Variants in DCLK1 observed in about 807,000 individuals in gnomAD.
DCLK1 encodes the protein doublecortin like kinase 1, also known as serine/threonine-protein kinase DCLK1.
DCLK1 carries 16 observed loss-of-function variants against 86.2 expected under a neutral mutation model. The ratio of observed to expected loss-of-function variants is 0.19; its 90% CI spans 0.13 to 0.28. DCLK1 has a LOEUF of 0.28. Ranked by LOEUF, DCLK1 falls within the 10% of genes least tolerant of loss-of-function variation. The pLI is 1.00. For missense variants in DCLK1, 590 were observed against 940.2 expected, an observed-to-expected ratio of 0.63 and a Z score of 4.87; for synonymous variants, 369 against 370.5, an observed-to-expected ratio of 1.00 and a Z score of 0.05.
chr13:35,868,205 G>A (rs920479409), intron 5 of DCLK1, among the ~76,000 whole-genome samples: 2 of 151,950 alleles, frequency 1.3e-5, no homozygotes, highest in African/African-American at 4.8e-5. Flanking sequence ...TGTATTTTTA[G>A]TAGAGACAGG....
chr13:36,045,332 GTATATATATATATATATATA>G lies in DCLK1; in HGVS notation c.723+66517_723+66536del, dbSNP rs1174545505. Among the ~76,000 whole-genome samples, 48 of 55,778 alleles carry G rather than the reference GTATATATATATATATATATA, an allele frequency of 8.6e-4. 1 individual carries two copies. Among genetic ancestry groups the G allele is most frequent in the South Asian group, 3.0e-3 (3 of 992 alleles). 36.6% of individuals were successfully genotyped at this position (55,778 alleles called of 152,430 possible). ...TATGTCTATATATGTGTGTGTGTGT[GTATATATATATATATATATA>G]TATATATATATATATATATATATAT... On this transcript the variant is annotated intron_variant, in intron 3 of 16. Coordinates refer to ENST00000360631, the MANE Select transcript of DCLK1 (RefSeq NM_001330071.2).
intron 6 of DCLK1, chr13:35,846,992 A>G (rs1870224635): frequency 2.0e-6 from 2 of 985,126 alleles, no homozygotes; most frequent in South Asian, 9.4e-5. Flanking sequence ...TTATGTTCCA[A>G]CATTATACTT....
At chr13:35,958,284 G>GTTATAACCATCACCACCACTA (rs1878244035) in intron 3 of DCLK1, among the ~76,000 whole-genome samples, 3,949 of 7,426 alleles carry the variant, frequency 0.53, 1,221 homozygotes, top group East Asian at 0.61. Flanking sequence ...CACCATCACT[G>GTTATAACCATCACCACCACTA]CCACTATAAC....
At chr13:36,082,313 A>G (rs973028476) in intron 3 of DCLK1, among the ~76,000 whole-genome samples, 7 of 152,150 alleles carry the variant, frequency 4.6e-5, no homozygotes, top group African/African-American at 9.7e-5. Flanking sequence ...TATCTTAATA[A>G]TATTTTCTTT....
chr13:36,027,431 G>T (rs1004534620), intron 3 of DCLK1, among the ~76,000 whole-genome samples: 4 of 152,188 alleles, frequency 2.6e-5, no homozygotes, highest in Non-Finnish European at 5.9e-5. Flanking sequence ...AGGCCTGGGG[G>T]TTGGGGACTG....
intron 15 of DCLK1, among the ~76,000 whole-genome samples, chr13:35,800,162 C>T (rs748468211): frequency 1.3e-5 from 2 of 152,220 alleles, no homozygotes; most frequent in African/African-American, 2.4e-5. Flanking sequence ...ATTTCATGAG[C>T]ACATAGCAAT....
chr13:35,814,264 C>T (rs887166370), intron 11 of DCLK1, among the ~76,000 whole-genome samples: 15 of 152,194 alleles, frequency 9.9e-5, no homozygotes, highest in Admixed American at 4.6e-4. Context: ...CCTGCACGCG[C>T]GCACACACGC....
chr13:35,911,599 C>T (rs1022793786), intron 4 of DCLK1, among the ~76,000 whole-genome samples: 2 of 152,152 alleles, frequency 1.3e-5, no homozygotes, highest in African/African-American at 4.8e-5. Context: ...GGAGGCGGAC[C>T]TCTAGGACTA....
chr13:35,779,886 T>G (rs1292834827), intron 16 of DCLK1, among the ~76,000 whole-genome samples: 7 of 152,000 alleles, frequency 4.6e-5, no homozygotes, highest in African/African-American at 9.7e-5. Context: ...TTGGGACAGA[T>G]GAAGTTACCA....
intron 2 of DCLK1, among the ~76,000 whole-genome samples, chr13:36,118,515 C>G (rs1885871399): frequency 6.6e-6 from 1 of 151,964 alleles, no homozygotes; most frequent in South Asian, 2.1e-4. Flanking sequence ...TTGGATTAGG[C>G]AGTAAAGAAG....
intron 3 of DCLK1, among the ~76,000 whole-genome samples, chr13:36,048,362 T>C (rs1287187265): frequency 6.6e-6 from 1 of 152,206 alleles, no homozygotes; most frequent in Non-Finnish European, 1.5e-5. Context: ...ATAACTATTA[T>C]ATATATTGAC....
chr13:35,830,193 C>G (rs1289003909), intron 8 of DCLK1, among the ~76,000 whole-genome samples: 1 of 152,058 alleles, frequency 6.6e-6, no homozygotes, highest in Non-Finnish European at 1.5e-5. Context: ...CGAGACCAGC[C>G]TGGTAAACAT....
At chr13:36,027,793 C>A (rs149443462) in intron 3 of DCLK1, among the ~76,000 whole-genome samples, 6 of 152,274 alleles carry the variant, frequency 3.9e-5, no homozygotes, top group African/African-American at 1.4e-4. Context: ...AGTGTAGTGG[C>A]GTGAACTCAG....
intron 3 of DCLK1, among the ~76,000 whole-genome samples, chr13:36,103,705 A>G (rs1885299556): frequency 6.6e-6 from 1 of 152,154 alleles, no homozygotes. Context: ...AGTTTCAAGG[A>G]TTTAAAAACT....
At chr13:35,903,652 TAC>T (rs56345575) in intron 4 of DCLK1, among the ~76,000 whole-genome samples, 2 of 150,066 alleles carry the variant, frequency 1.3e-5, no homozygotes, top group Non-Finnish European at 3.0e-5. Flanking sequence ...AGGCTATACA[TAC>T]ACACACACAC....
intron 3 of DCLK1, among the ~76,000 whole-genome samples, chr13:36,025,052 C>T (rs1052081129): frequency 1.3e-5 from 2 of 151,388 alleles, no homozygotes; most frequent in Non-Finnish European, 2.9e-5. Context: ...ACTGCAACCT[C>T]TGCCTCCCAG....
At chr13:36,049,734 A>AT (rs1883059198) in intron 3 of DCLK1, among the ~76,000 whole-genome samples, 1 of 152,192 alleles carries the variant, frequency 6.6e-6, no homozygotes, top group African/African-American at 2.4e-5. Flanking sequence ...TTTTGCAAGT[A>AT]TTTTAAAAAA....
At chr13:36,040,620 A>G (rs1028509477) in intron 3 of DCLK1, among the ~76,000 whole-genome samples, 3 of 151,676 alleles carry the variant, frequency 2.0e-5, no homozygotes, top group East Asian at 2.0e-4. Context: ...TCCTTTCTAT[A>G]CTGTACTCTT....
chr13:36,131,391 C>CG, upstream of DCLK1: 2 of 196,182 alleles, frequency 1.0e-5, no homozygotes, highest in Non-Finnish European at 2.0e-5. Context: ...GCGGCGGCGG[C>CG]GGCGGGCGCG....
Sources: allele counts gnomAD v4.1 joint callset (sites outside exome capture counted in the v4.1 genomes callset), GRCh38; gene constraint gnomAD v4.1.1; transcripts MANE v1.5; gene names NCBI Gene and HGNC (gene_info 2026-07-23, HGNC 2026-07-21).